The following HAVCR1 variants were observed in gnomAD, a reference collection of about 807,000 sequenced individuals.
The protein encoded by HAVCR1 is hepatitis A virus cellular receptor 1.
HAVCR1 carries 34 observed loss-of-function variants against 32.0 expected under a neutral mutation model. The ratio of observed to expected loss-of-function variants is 1.06; its 90% CI spans 0.81 to 1.42. The LOEUF (loss-of-function observed/expected upper bound fraction) is 1.42. HAVCR1 is among the 40% of genes most tolerant of loss of function. The pLI is 0.00. For synonymous variants in HAVCR1, 178 were observed against 170.3 expected (o/e 1.05, Z -0.35); for missense variants, 420 against 442.3 (o/e 0.95, Z 0.45).
In HAVCR1 at chr5:157,052,572, CGTT is replaced by C. The variant is rs756076574; in HGVS notation, c.459_461del (p.Thr155del). On this transcript the variant is annotated inframe_deletion, in exon 4 of 9. Transcript: ENST00000523175. Reference sequence around the variant, plus strand: ...TTGGAACAGTCGTCATTGGAACAGTCGTTGTCGTTGGAACAGTGGTGCTCGTTC... The same window carrying C: ...TTGGAACAGTCGTCATTGGAACAGTCGTCGTTGGAACAGTGGTGCTCGTTC... 8.6e-6 allele frequency: 12 copies of C among 1,403,226 alleles called. No homozygotes were observed. In the East Asian group the frequency reaches 1.6e-4, roughly 19 times the overall value. 86.9% of individuals were successfully genotyped at this position (1,403,226 alleles called of 1,614,324 possible).
chr5:157,050,573 G>A (rs1755680434), intron 4 of HAVCR1, among the ~76,000 whole-genome samples: 1 of 152,100 alleles, frequency 6.6e-6, no homozygotes, highest in Non-Finnish European at 1.5e-5. Flanking sequence ...CATCCTCCAA[G>A]TTATAGCCAT....
chr5:157,046,053 A>G (rs1430077876), intron 5 of HAVCR1, among the ~76,000 whole-genome samples: 3 of 152,166 alleles, frequency 2.0e-5, no homozygotes, highest in Non-Finnish European at 4.4e-5. Flanking sequence ...GTTTGCGCTG[A>G]GGATTACACT....
chr5:157,056,443 G>A (rs890976354), intron 2 of HAVCR1, among the ~76,000 whole-genome samples: 2 of 145,710 alleles, frequency 1.4e-5, no homozygotes, highest in East Asian at 4.1e-4. Flanking sequence ...GCAGTGGTGT[G>A]ATCTCGGCTC....
rs752777833 is a variant in HAVCR1 at position 157,049,142 on chromosome 5, G to A, written c.677C>T (p.Ala226Val). Residue 226 changes from alanine (A) to valine (V), a missense_variant, in exon 5 of 9, where the codon GCC becomes GTC. By Grantham distance (64) the Ala-to-Val change is moderately conservative. Coordinates refer to ENST00000523175, the MANE Select transcript of HAVCR1 (RefSeq NM_001173393.3). ...PLPRQNHEPVATSPSSPQPAE... is the reference protein window; with the variant it reads ...PLPRQNHEPVVTSPSSPQPAE... ...TGGCTGAGGTGAAGATGGTGAAGTG[G>A]CTACTGGAATGAAAAGAATGGAAGA... is the stretch of plus-strand genomic sequence containing the variant. 1 of 1,587,122 alleles carries A rather than the reference G, an allele frequency of 6.3e-7. No individual in the cohort carries two copies. Among genetic ancestry groups the A allele is most frequent in the Non-Finnish European group, 8.7e-7 (1 of 1,155,342 alleles).
intron 4 of HAVCR1, 121 bp downstream of exon 4, chr5:157,052,240 C>T: frequency 1.2e-6 from 1 of 838,186 alleles, no homozygotes; most frequent in Non-Finnish European, 1.9e-6. Flanking sequence ...TGAGGAGACC[C>T]TGATTGAAAC....
At chr5:157,054,625 T>C (rs1458772054) in intron 3 of HAVCR1, among the ~76,000 whole-genome samples, 1 of 152,212 alleles carries the variant, frequency 6.6e-6, no homozygotes, top group Non-Finnish European at 1.5e-5. Flanking sequence ...CCAACTACTA[T>C]GTTTGAAGTA....
At chr5:157,065,930 C>A in the HAVCR1 span, among the ~76,000 whole-genome samples, 4 of 151,550 alleles carry the variant, frequency 2.6e-5, no homozygotes, top group East Asian at 1.9e-4. Flanking sequence ...GTGGCGGGCG[C>A]CTATAGTCCC....
Position 157,042,629 on chromosome 5 carries a change from TTTGA to T in HAVCR1, c.831_834del (p.Asn277LysfsTer6). On this transcript the variant is annotated frameshift_variant, in exon 6 of 9. Coordinates refer to ENST00000523175, the MANE Select transcript of HAVCR1 (RefSeq NM_001173393.3). LOFTEE classifies it high-confidence loss of function. Reference sequence around the variant, plus strand: ...CAAATAGGGCGGAATATGCTTACAGTTTGATTGTTATTCCAAAGGCCATCTGAAG... The same window carrying T: ...CAAATAGGGCGGAATATGCTTACAGTTTGTTATTCCAAAGGCCATCTGAAG... 1 of 1,579,214 alleles carries T rather than the reference TTTGA, an allele frequency of 6.3e-7. No individual in the cohort carries two copies. The highest frequency in any genetic ancestry group is 8.7e-7 in the Non-Finnish European group (1 of 1,149,472).
Position 157,049,065 on chromosome 5 carries a change from T to G in HAVCR1, c.754A>C (p.Ser252Arg). The G allele has an allele frequency of 6.2e-7, 1 of 1,608,474 alleles. No individual in the cohort carries two copies. Among genetic ancestry groups the G allele is most frequent in the Non-Finnish European group, 8.5e-7 (1 of 1,174,894 alleles). Residue 252 changes from serine (S) to arginine (R), a missense_variant, in exon 5 of 9, where the codon AGC becomes CGC. By Grantham distance (110) the Ser-to-Arg change is moderately radical (BLOSUM62 -1). Coordinates refer to ENST00000523175, the MANE Select transcript of HAVCR1 (RefSeq NM_001173393.3). ...LQGAIRREPTSSPLYSYTTDG... is the reference protein window; with the variant it reads ...LQGAIRREPTRSPLYSYTTDG... ...GTTGTGTAAGAGTACAATGGTGAGC[T>G]GGTGGGTTCTCTCCTTATTGCTCCC...
chr5:157,048,380 T>C (rs934843511), intron 5 of HAVCR1, among the ~76,000 whole-genome samples: 2 of 152,242 alleles, frequency 1.3e-5, no homozygotes, highest in Non-Finnish European at 2.9e-5. Flanking sequence ...ATAAGCTATC[T>C]GTGCAGTCAG....
intron 6 of HAVCR1, among the ~76,000 whole-genome samples, chr5:157,040,393 C>A (rs892717413): frequency 6.6e-6 from 1 of 152,146 alleles, no homozygotes; most frequent in African/African-American, 2.4e-5. Context: ...ACACATTGAA[C>A]ATATACATGG....
intron 8 of HAVCR1, among the ~76,000 whole-genome samples, chr5:157,031,221 A>T (rs1255969018): frequency 6.6e-6 from 1 of 152,192 alleles, no homozygotes; most frequent in East Asian, 1.9e-4. Context: ...ATGCAATAAC[A>T]AAAGTCGATG....
At chr5:157,036,752 G>C (rs1581681904) in intron 7 of HAVCR1, among the ~76,000 whole-genome samples, 2 of 151,862 alleles carry the variant, frequency 1.3e-5, no homozygotes. Flanking sequence ...GCCCAGGCTG[G>C]TTTTGAACTC....
intron 3 of HAVCR1, 97 bp from the exon 4 acceptor site, chr5:157,052,751 C>T: frequency 9.9e-7 from 1 of 1,010,432 alleles, no homozygotes; most frequent in Non-Finnish European, 1.5e-6. Context: ...GACAGACTGT[C>T]CCTAGGTGGA....
chr5:157,065,914 G>A, the HAVCR1 span, among the ~76,000 whole-genome samples: 8 of 151,526 alleles, frequency 5.3e-5, no homozygotes, highest in African/African-American at 1.9e-4. Flanking sequence ...AAATTAGCCG[G>A]GCGTGGTGGC....
chr5:157,055,463 A>G lies in HAVCR1; in HGVS notation c.117T>C (p.Ser39=), dbSNP rs746510936. 5.5e-5 allele frequency: 88 copies of G among 1,610,838 alleles called. No individual in the cohort carries two copies. Among genetic ancestry groups the G allele is most frequent in the Non-Finnish European group, 6.1e-5 (72 of 1,177,240 alleles). Residue 39 remains serine (S), a synonymous_variant, in exon 3 of 9, where the codon AGT becomes AGC. Coordinates refer to ENST00000523175, the MANE Select transcript of HAVCR1 (RefSeq NM_001173393.3). ...GPSVTLPCHY[S]GAVTSMCWNR... ...TCCAGCACATGGATGTGACAGCTCC[A>G]CTGTAGTGGCAGGGTAGTGTGACAG...
chr5:157,067,663 TTC>T, the HAVCR1 span, among the ~76,000 whole-genome samples: 1 of 150,494 alleles, frequency 6.6e-6, no homozygotes, highest in Admixed American at 6.6e-5. Context: ...ACCAGACCCT[TTC>T]TCTCTCTCTC....
intron 5 of HAVCR1, 116 bp downstream of exon 5, chr5:157,048,922 G>C: frequency 1.5e-6 from 1 of 684,816 alleles, no homozygotes. Context: ...TGACTGATCT[G>C]TGTGCCTGGT....
intron 5 of HAVCR1, among the ~76,000 whole-genome samples, chr5:157,044,617 GAA>G (rs1193424464): frequency 9.4e-5 from 3 of 32,012 alleles, no homozygotes; most frequent in Non-Finnish European, 1.3e-4. Context: ...GAAAGAAAGA[GAA>G]AGAAAGAAAG....
Sources: gnomAD v4.1 joint callset for allele counts (sites outside exome capture counted in the v4.1 genomes callset) on GRCh38, gnomAD v4.1.1 for gene constraint, MANE v1.5 for transcripts, NCBI Gene and HGNC (gene_info 2026-07-23, HGNC 2026-07-21) for gene names.